Variants in EDNRB observed in about 807,000 individuals in gnomAD.
EDNRB encodes the protein endothelin receptor type B.
A neutral mutation model predicts 46.4 loss-of-function variants in EDNRB; 18 were observed. The ratio of observed to expected loss-of-function variants is 0.39; its 90% confidence interval spans 0.27 to 0.57. The LOEUF is 0.57. Ranked by LOEUF, EDNRB falls within the 20% of genes least tolerant of loss-of-function variation. The pLI is 0.61. For missense variants in EDNRB, 434 were observed against 537.5 expected, an observed-to-expected ratio of 0.81 and a Z score of 1.90; for synonymous variants, 213 against 204.9, an observed-to-expected ratio of 1.04 and a Z score of -0.34.
rs201187242 is a variant in EDNRB at position 77,897,565 on chromosome 13, T to G, written c.*635A>C. 193 of 985,188 alleles carry G rather than the reference T, an allele frequency of 2.0e-4. No homozygotes were observed. Among genetic ancestry groups the G allele is most frequent in the Non-Finnish European group, 2.3e-4 (188 of 829,906 alleles). The allele number at this position is 985,188 out of a possible 1,614,324, so 61.0% of individuals were successfully genotyped here. ...ATGTTGGTTACATATTGCAGAATGC[T>G]GAGGTTTGGGCTTCTAGTGAAAGTG... On this transcript the variant is annotated 3_prime_UTR_variant, in exon 7 of 7. Transcript: ENST00000646607.
intron 1 of EDNRB, among the ~76,000 whole-genome samples, chr13:77,913,693 A>T (rs1174126305): frequency 2.0e-5 from 3 of 152,182 alleles, no homozygotes; most frequent in Non-Finnish European, 4.4e-5. Flanking sequence ...TTTGTTAAAT[A>T]TCATTGCCAA....
chr13:77,964,891 T>C (rs551855662), intron 1 of EDNRB, among the ~76,000 whole-genome samples: 12 of 152,180 alleles, frequency 7.9e-5, no homozygotes, highest in Non-Finnish European at 1.3e-4. Flanking sequence ...CTCTCATGAA[T>C]AGTAGAAGAG....
At chr13:77,945,901 A>AAC (rs1594390009) in intron 1 of EDNRB, among the ~76,000 whole-genome samples, 8 of 150,820 alleles carry the variant, frequency 5.3e-5, no homozygotes, top group South Asian at 2.1e-4. Flanking sequence ...AAACAAAAAA[A>AAC]ACACACAATC....
At chr13:77,949,197 TACA>T (rs762673212) in intron 1 of EDNRB, among the ~76,000 whole-genome samples, 2 of 152,210 alleles carry the variant, frequency 1.3e-5, no homozygotes, top group East Asian at 1.9e-4. Flanking sequence ...AGAGAAAATC[TACA>T]ACAAGGAGGG....
intron 1 of EDNRB, among the ~76,000 whole-genome samples, chr13:77,904,204 C>G (rs1879155028): frequency 6.6e-6 from 1 of 151,916 alleles, no homozygotes; most frequent in Non-Finnish European, 1.5e-5. Context: ...AAGGCTCTTT[C>G]CCCACAGATT....
At chr13:77,903,089 C>T (rs890940624) in intron 3 of EDNRB, 67 bp downstream of exon 3, 1 of 1,546,256 alleles carries the variant, frequency 6.5e-7, no homozygotes, top group South Asian at 1.1e-5. Context: ...GAGTGGGGAA[C>T]AGGGGAAAAA....
intron 1 of EDNRB, among the ~76,000 whole-genome samples, chr13:77,955,849 CTA>C (rs1881220749): frequency 2.8e-5 from 2 of 71,016 alleles, no homozygotes; most frequent in Admixed American, 3.3e-4. Context: ...GTGTGTGTAT[CTA>C]TCTATCTATC....
chr13:77,960,070 C>T (rs962183887), intron 1 of EDNRB, among the ~76,000 whole-genome samples: 1 of 152,136 alleles, frequency 6.6e-6, no homozygotes, highest in Non-Finnish European at 1.5e-5. Context: ...GATTGGTGTA[C>T]CTGAAAGTGA....
intron 1 of EDNRB, among the ~76,000 whole-genome samples, chr13:77,931,744 C>CAAAAAAAAAAAAAAACAAAAA (rs1880408896): frequency 1.2e-5 from 1 of 83,450 alleles, no homozygotes; most frequent in Non-Finnish European, 2.3e-5. Context: ...ACTGTAGTAG[C>CAAAAAAAAAAAAAAACAAAAA]AAAAAAAAAA....
intron 1 of EDNRB, among the ~76,000 whole-genome samples, chr13:77,959,882 G>A (rs755455991): frequency 3.9e-5 from 6 of 152,198 alleles, no homozygotes; most frequent in South Asian, 2.1e-4. Context: ...CAAGAACTAC[G>A]TGATGAATGC....
chr13:77,934,820 C>T (rs986240540), intron 1 of EDNRB, among the ~76,000 whole-genome samples: 1 of 152,042 alleles, frequency 6.6e-6, no homozygotes, highest in Non-Finnish European at 1.5e-5. Context: ...TGTACTATAG[C>T]ATAGCCTGGC....
At chr13:77,945,284 T>C (rs75165883) in intron 1 of EDNRB, among the ~76,000 whole-genome samples, 4,694 of 152,260 alleles carry the variant, frequency 0.031, 212 homozygotes, top group South Asian at 0.13. Flanking sequence ...ACTAAAACTC[T>C]AGGAAGATTT....
chr13:77,947,022 A>T (rs182686769), intron 1 of EDNRB, among the ~76,000 whole-genome samples: 4 of 152,336 alleles, frequency 2.6e-5, no homozygotes, highest in African/African-American at 4.8e-5. Flanking sequence ...CAAAAGCCTT[A>T]GCCTAATTAA....
chr13:77,928,287 G>T (rs1032929815), intron 1 of EDNRB, among the ~76,000 whole-genome samples: 12 of 152,128 alleles, frequency 7.9e-5, no homozygotes, highest in African/African-American at 2.9e-4. Context: ...ATATTTTAAA[G>T]CTGTACTGTT....
At chr13:77,957,252 A>T (rs928631113) in intron 1 of EDNRB, among the ~76,000 whole-genome samples, 1 of 152,222 alleles carries the variant, frequency 6.6e-6, no homozygotes, top group East Asian at 1.9e-4. Context: ...CTGCACTAAC[A>T]GAACCAAAAA....
At chr13:77,973,676 T>C (rs1232152495) in intron 1 of EDNRB, among the ~76,000 whole-genome samples, 1 of 152,126 alleles carries the variant, frequency 6.6e-6, no homozygotes, top group Admixed American at 6.5e-5. Context: ...TTTACTTTTT[T>C]TATATACCTT....
At chr13:77,900,988 C>A (rs1472034546) in intron 4 of EDNRB, 70 bp downstream of exon 4, 3 of 1,563,820 alleles carry the variant, frequency 1.9e-6, no homozygotes, top group Non-Finnish European at 2.6e-6. Context: ...TTATCATCAT[C>A]ATCATCATAA....
chr13:77,968,451 C>T (rs1445262107), intron 1 of EDNRB, among the ~76,000 whole-genome samples: 2 of 151,942 alleles, frequency 1.3e-5, no homozygotes, highest in Non-Finnish European at 2.9e-5. Flanking sequence ...AAAAATTTAG[C>T]AAATGTCTGT....
intron 1 of EDNRB, among the ~76,000 whole-genome samples, chr13:77,948,439 C>T (rs772295850): frequency 1.3e-5 from 2 of 152,186 alleles, no homozygotes; most frequent in Non-Finnish European, 2.9e-5. Flanking sequence ...CTTGGTACTA[C>T]ATTTGATACC....
Sources: gnomAD v4.1 joint callset for allele counts (sites outside exome capture counted in the v4.1 genomes callset) on GRCh38, gnomAD v4.1.1 for gene constraint, MANE v1.5 for transcripts, NCBI Gene and HGNC (gene_info 2026-07-23, HGNC 2026-07-21) for gene names.